Variants in SLA observed in about 807,000 individuals in gnomAD.
SLA encodes the protein src-like-adapter.
A neutral mutation model predicts 30.3 loss-of-function variants in SLA; 16 were observed. The ratio of observed to expected loss-of-function variants is 0.53; its 90% confidence interval spans 0.36 to 0.80. The LOEUF is 0.80. Ranked by LOEUF, SLA falls within the 30% of genes least tolerant of loss-of-function variation. SLA has a pLI of 0.01. For synonymous variants in SLA, 143 were observed against 137.8 expected, an observed-to-expected ratio of 1.04 and a Z score of -0.26; for missense variants, 310 against 345.2, an observed-to-expected ratio of 0.90 and a Z score of 0.81.
intron 8 of SLA, 58 bp from the exon 9 acceptor site, chr8:133,038,795 G>C: frequency 8.2e-7 from 1 of 1,220,962 alleles, no homozygotes; most frequent in Non-Finnish European, 1.2e-6. Context: ...CATAGAGAGA[G>C]GAGGAGATAA....
In SLA at chr8:133,050,859, G is replaced by A. The variant is rs1299842690; in HGVS notation, c.118C>T (p.Pro40Ser). The change falls in exon 4 of 9, where the codon CCC becomes TCC. Residue 40 changes from proline to serine, a missense_variant. Physicochemically the swap from Pro to Ser is moderately conservative, Grantham distance 74. Transcript: ENST00000338087. ...LSDYPSPDISPPIFRRGEKLR... is the reference protein window; with the variant it reads ...LSDYPSPDISSPIFRRGEKLR... ...TTCTCCCCTCGGCGGAATATCGGGG[G>A]GCTGATGTCAGGAGACGGGTAGTCA... 4.3e-6 allele frequency: 7 copies of A among 1,613,808 alleles called. No homozygotes were observed. The highest frequency in any genetic ancestry group is 5.1e-6 in the Non-Finnish European group (6 of 1,179,802).
chr8:133,073,317 T>C (rs1456218102), intron 2 of SLA: 2 of 152,214 alleles, frequency 1.3e-5, no homozygotes, highest in African/African-American at 4.8e-5. Context: ...TTAATATTAT[T>C]ATACTTTCAG....
chr8:133,095,851 A>T (rs1848322217), intron 1 of SLA, among the ~76,000 whole-genome samples: 2 of 152,240 alleles, frequency 1.3e-5, no homozygotes, highest in African/African-American at 4.8e-5. Flanking sequence ...ATTTGATCAT[A>T]GCTGGAGCTG....
chr8:133,091,702 C>T (rs1014797941), intron 1 of SLA, among the ~76,000 whole-genome samples: 3 of 151,126 alleles, frequency 2.0e-5, no homozygotes, highest in African/African-American at 7.3e-5. Context: ...GTTTGTGTGT[C>T]CTTCTGCACT....
At chr8:133,095,014 C>T (rs1848190519) in intron 1 of SLA, 1 of 1,612,332 alleles carries the variant, frequency 6.2e-7, no homozygotes, top group Non-Finnish European at 8.5e-7. Flanking sequence ...TGATCTGAAC[C>T]ATCTGCCCTG....
At chr8:133,071,508 G>A (rs1405018883) in intron 2 of SLA, among the ~76,000 whole-genome samples, 1 of 152,210 alleles carries the variant, frequency 6.6e-6, no homozygotes, top group Non-Finnish European at 1.5e-5. Context: ...TATTCAGTAG[G>A]TGGATTGATA....
At chr8:133,039,242 T>A (rs1837697014) in intron 8 of SLA, among the ~76,000 whole-genome samples, 3 of 152,256 alleles carry the variant, frequency 2.0e-5, no homozygotes, top group Non-Finnish European at 4.4e-5. Context: ...GCAATTATTC[T>A]AACCCATTAT....
chr8:133,077,117 T>C (rs2739161), intron 1 of SLA, among the ~76,000 whole-genome samples: 4,569 of 151,804 alleles, frequency 0.03, 223 homozygotes, highest in African/African-American at 0.097. Context: ...CTGAGAACTG[T>C]AGGAGGAAAG....
chr8:133,051,310 G>A (rs775904746), intron 3 of SLA, among the ~76,000 whole-genome samples: 29 of 152,266 alleles, frequency 1.9e-4, no homozygotes, highest in Non-Finnish European at 3.7e-4. Context: ...ATGAGAGTAT[G>A]TTACACCACA....
At chr8:133,044,917 G>A in intron 7 of SLA, 67 bp downstream of exon 7, 3 of 1,534,342 alleles carry the variant, frequency 2.0e-6, no homozygotes, top group Non-Finnish European at 2.7e-6. Context: ...CAGACGGATG[G>A]CGCCACAGAG....
intron 2 of SLA, among the ~76,000 whole-genome samples, chr8:133,064,575 C>T (rs1842810196): frequency 1.3e-5 from 2 of 152,210 alleles, no homozygotes; most frequent in Admixed American, 1.3e-4. Flanking sequence ...TGCTGTCTCT[C>T]CAGCGTAAGG....
chr8:133,044,946 C>T, intron 7 of SLA, 38 bp downstream of exon 7: 2 of 1,610,626 alleles, frequency 1.2e-6, no homozygotes, highest in Non-Finnish European at 1.7e-6. Flanking sequence ...TAAGAGGGGT[C>T]CCACCATCAC....
chr8:133,102,090 G>A (rs191625626), intron 1 of SLA, among the ~76,000 whole-genome samples: 2 of 152,262 alleles, frequency 1.3e-5, no homozygotes, highest in African/African-American at 2.4e-5. Flanking sequence ...ATAAATGTTC[G>A]TTCTTTTCCC....
At chr8:133,075,476 A>G (rs1328037136) in intron 1 of SLA, among the ~76,000 whole-genome samples, 2 of 152,200 alleles carry the variant, frequency 1.3e-5, no homozygotes, top group African/African-American at 4.8e-5. Flanking sequence ...AAAGAACATT[A>G]TGAGATGGCA....
intron 2 of SLA, among the ~76,000 whole-genome samples, chr8:133,065,681 G>A (rs1352500114): frequency 2.0e-5 from 3 of 152,200 alleles, no homozygotes; most frequent in Admixed American, 2.0e-4. Flanking sequence ...AGAATCACTT[G>A]AACCCAGTGG....
At chr8:133,059,037 A>G (rs1841967020) in intron 3 of SLA, 4 of 457,380 alleles carry the variant, frequency 8.7e-6, no homozygotes, top group Non-Finnish European at 1.8e-5. Flanking sequence ...TGAGGGAGCC[A>G]CAGAAGTCAT....
In SLA at chr8:133,039,273, T is replaced by C. The variant is rs574417106; in HGVS notation, c.618-536A>G. On this transcript the variant is annotated intron_variant, in intron 8 of 8. Transcript: ENST00000338087. ...ATTATTTTAATTCTGGTTCTTACAT[T>C]TGTGGGCTGTGTGATCTTGGACAAA... Among the ~76,000 whole-genome samples the C allele has an allele frequency of 4.6e-5, 7 of 152,354 alleles. No individual in the cohort carries two copies. The South Asian group carries it at 1.4e-3, about 32-fold the overall frequency.
At chr8:133,091,435 A>T (rs1291252755) in intron 1 of SLA, among the ~76,000 whole-genome samples, 1 of 151,820 alleles carries the variant, frequency 6.6e-6, no homozygotes, top group Admixed American at 6.6e-5. Context: ...GAGCTGCCAG[A>T]CCTCCTGCTT....
intron 7 of SLA, among the ~76,000 whole-genome samples, chr8:133,042,702 T>C (rs971294204): frequency 7.5e-6 from 1 of 133,024 alleles, no homozygotes; most frequent in African/African-American, 3.0e-5. Flanking sequence ...TTTTTTTTTT[T>C]TTTTTTTGTG....
Sources: allele counts gnomAD v4.1 joint callset (sites outside exome capture counted in the v4.1 genomes callset), GRCh38; gene constraint gnomAD v4.1.1; transcripts MANE v1.5; gene names NCBI Gene and HGNC (gene_info 2026-07-23, HGNC 2026-07-21).